Variants in PTPA observed in about 807,000 individuals in gnomAD.
The protein encoded by PTPA is protein phosphatase 2 phosphatase activator, also known as serine/threonine-protein phosphatase 2A activator.
PTPA carries 13 observed loss-of-function variants against 43.6 expected under a neutral mutation model. The ratio of observed to expected loss-of-function variants is 0.30; its 90% CI spans 0.19 to 0.47. PTPA has a LOEUF of 0.47. Ranked by LOEUF, PTPA falls within the 20% of genes least tolerant of loss-of-function variation. The pLI is 0.99. For missense variants in PTPA, 329 were observed against 411.9 expected (o/e 0.80, Z 1.74); for synonymous variants, 172 against 158.2 (o/e 1.09, Z -0.66).
rs138663606 is a variant in PTPA, at chr9:129,111,479, G to A, written c.-122G>A. The A allele has an allele frequency of 3.2e-6, 4 of 1,263,162 alleles. No individual in the cohort carries two copies. The East Asian group carries it at 1.3e-4, about 40-fold the overall frequency. 78.2% of individuals were successfully genotyped at this position (1,263,162 alleles called of 1,614,324 possible). A position where few individuals can be genotyped will look rare whatever the true frequency, so the allele number is the denominator to read the frequency against. Reference sequence around the variant, plus strand: ...CTCGGTTTTCGGTTATAGCCGGCCGGCGCTCACTTGTCTTCAGGAAGCTCG... The same window carrying A: ...CTCGGTTTTCGGTTATAGCCGGCCGACGCTCACTTGTCTTCAGGAAGCTCG... On this transcript the variant is annotated 5_prime_UTR_variant, in exon 1 of 10. Coordinates refer to ENST00000393370, the MANE Select transcript of PTPA (RefSeq NM_178000.3).
chr9:129,123,201 C>A (rs1016240696), intron 3 of PTPA, 63 bp downstream of exon 3: 2 of 1,404,712 alleles, frequency 1.4e-6, no homozygotes, highest in African/African-American at 1.4e-5. Flanking sequence ...TCACTGGGTG[C>A]GGTGGCTCAC....
chr9:129,128,666 A>C (rs1849746787), intron 3 of PTPA, among the ~76,000 whole-genome samples: 2 of 152,188 alleles, frequency 1.3e-5, no homozygotes, highest in Non-Finnish European at 2.9e-5. Flanking sequence ...GCTTCCATAA[A>C]GTCTTTTTAA....
rs138155879 is a variant in PTPA at position 129,134,882 on chromosome 9, A to G, written c.548A>G (p.Lys183Arg). ...GATGACCAAATAGCTATTGTCTTCA[A>G]GGTGTTCAATCGGTGAGAGAAAGGA... Reference protein sequence around the residue: ...RVDDQIAIVFKVFNRYLEVMR... With the variant: ...RVDDQIAIVFRVFNRYLEVMR... Residue 183 changes from lysine (K) to arginine (R), a missense_variant, in exon 6 of 10, where the codon AAG becomes AGG. Transcript: ENST00000393370. The G allele has an allele frequency of 6.2e-7, 1 of 1,613,044 alleles. No individual in the cohort carries two copies. The highest frequency in any genetic ancestry group is 2.2e-5 in the East Asian group (1 of 44,868).
chr9:129,134,698 A>C, intron 5 of PTPA, 97 bp from the exon 6 acceptor site: 2 of 949,404 alleles, frequency 2.1e-6, no homozygotes, highest in South Asian at 3.0e-5. Flanking sequence ...CACCCTCCTC[A>C]GAGGGGCACT....
chr9:129,132,425 G>T (rs372605824), intron 5 of PTPA, among the ~76,000 whole-genome samples: 2 of 152,074 alleles, frequency 1.3e-5, no homozygotes, highest in East Asian at 3.9e-4. Context: ...GACCTCCCGG[G>T]CCCAAGTGAT....
chr9:129,142,352 G>T, intron 8 of PTPA, 93 bp from the exon 9 acceptor site: 1 of 1,130,344 alleles, frequency 8.8e-7, no homozygotes, highest in East Asian at 2.4e-5. Context: ...GTGTGTGTGT[G>T]TGTGCATGCA....
Position 129,113,070 on chromosome 9 carries a change from C to CCA in PTPA, c.31+1439_31+1440insCA, listed in dbSNP as rs1554728928. Among the ~76,000 whole-genome samples the CCA allele has an allele frequency of 7.4e-5, 11 of 149,082 alleles. 1 individual carries two copies. In the East Asian group the frequency reaches 1.8e-3, roughly 24 times the overall value. On this transcript the variant is annotated intron_variant, in intron 1 of 9. Transcript: ENST00000393370. ...GGCTGATGAGCTAAAAAAAAAGTCG[C>CCA]AAAAAAAAAAATCTCATAATGGTTT... is the stretch of plus-strand genomic sequence containing the variant.
At chr9:129,142,680 G>C in intron 9 of PTPA, 128 bp downstream of exon 9, 2 of 1,548,242 alleles carry the variant, frequency 1.3e-6, no homozygotes, top group Non-Finnish European at 1.7e-6. Flanking sequence ...CTGAATCTTA[G>C]GCCAGCCCCT....
intron 1 of PTPA, among the ~76,000 whole-genome samples, chr9:129,118,397 A>G (rs1485987966): frequency 6.8e-6 from 1 of 148,002 alleles, no homozygotes; most frequent in African/African-American, 2.5e-5. Flanking sequence ...TATTTGAGTC[A>G]GAGTTTCACT....
intron 9 of PTPA, among the ~76,000 whole-genome samples, chr9:129,144,038 C>T (rs1328713995): frequency 6.6e-6 from 1 of 151,490 alleles, no homozygotes; most frequent in Non-Finnish European, 1.5e-5. Flanking sequence ...GAAGTACTGT[C>T]TTCTCTACAA....
chr9:129,120,489 G>T, intron 1 of PTPA, 24 bp from the exon 2 acceptor site: 1 of 1,539,382 alleles, frequency 6.5e-7, no homozygotes, highest in Non-Finnish European at 8.9e-7. Context: ...TTATCTGTTT[G>T]TTTTTTCATT....
At chr9:129,131,772 C>T in intron 5 of PTPA, 133 bp downstream of exon 5, 1 of 872,568 alleles carries the variant, frequency 1.1e-6, no homozygotes, top group Non-Finnish European at 1.8e-6. Context: ...CCTATTGGGG[C>T]CAGCTGGGGT....
chr9:129,129,144 C>A, intron 4 of PTPA, 34 bp downstream of exon 4: 1 of 1,607,494 alleles, frequency 6.2e-7, no homozygotes, highest in South Asian at 1.1e-5. Context: ...AGGGACTGGG[C>A]TGGCAGTGAG....
chr9:129,127,895 A>G, intron 3 of PTPA: 2 of 1,047,690 alleles, frequency 1.9e-6, no homozygotes, highest in Non-Finnish European at 2.6e-6. Flanking sequence ...TAAATTAATT[A>G]TAATGCAGTG....
intron 4 of PTPA, among the ~76,000 whole-genome samples, chr9:129,129,370 G>A (rs1422430595): frequency 6.6e-6 from 1 of 152,056 alleles, no homozygotes; most frequent in African/African-American, 2.4e-5. Flanking sequence ...AACTGGAAAT[G>A]TTCCAAGTAT....
upstream of PTPA, chr9:129,111,323 C>A: frequency 1.7e-6 from 2 of 1,165,540 alleles, no homozygotes; most frequent in Non-Finnish European, 2.1e-6. Context: ...CGCGCATGCG[C>A]CCCGCGCGCC....
chr9:129,146,198 C>A (rs894799227), intron 9 of PTPA, among the ~76,000 whole-genome samples: 2 of 152,146 alleles, frequency 1.3e-5, no homozygotes, highest in Non-Finnish European at 2.9e-5. Context: ...GCTGCTCCCC[C>A]TCCCGCCCAG....
chr9:129,146,547 C>T (rs1851315209), intron 9 of PTPA, among the ~76,000 whole-genome samples: 1 of 152,248 alleles, frequency 6.6e-6, no homozygotes, highest in African/African-American at 2.4e-5. Flanking sequence ...ACTCTGTTTT[C>T]TGTGGCCAAA....
chr9:129,143,056 T>C, intron 9 of PTPA: 1 of 776,132 alleles, frequency 1.3e-6, no homozygotes, highest in Non-Finnish European at 2.0e-6. Flanking sequence ...TCAGGGATTT[T>C]GATGCAAATG....
Sources: gnomAD v4.1 joint callset for allele counts (sites outside exome capture counted in the v4.1 genomes callset) on GRCh38, gnomAD v4.1.1 for gene constraint, MANE v1.5 for transcripts, NCBI Gene and HGNC (gene_info 2026-07-23, HGNC 2026-07-21) for gene names.